The following KDM3B variants were observed in gnomAD, a reference collection of about 807,000 sequenced individuals.
KDM3B encodes lysine-specific demethylase 3B.
Under a neutral mutation model 170.0 loss-of-function variants are expected in KDM3B, and 10 were observed. The ratio of observed to expected loss-of-function variants is 0.06; its 90% CI spans 0.04 to 0.10. The LOEUF (loss-of-function observed/expected upper bound fraction) is 0.10, where lower values mean the gene tolerates loss of function less well. Ranked by LOEUF, KDM3B falls within the 10% of genes least tolerant of loss-of-function variation. The pLI, the probability that KDM3B is intolerant of heterozygous loss-of-function variation, is 1.00. For missense variants in KDM3B, 1,394 were observed against 2,195.2 expected, an observed-to-expected ratio of 0.64 and a Z score of 7.29; for synonymous variants, 831 against 834.8, an observed-to-expected ratio of 1.00 and a Z score of 0.08.
chr5:138,385,991 C>T (rs1561769310), intron 6 of KDM3B, 31 bp from the exon 7 acceptor site: 1 of 1,561,118 alleles, frequency 6.4e-7, no homozygotes, highest in Non-Finnish European at 8.7e-7. Context: ...TGAAAGTTTC[C>T]TTGTAATCTT....
chr5:138,389,782 CTGTGTGTGTG>C (rs148405512), intron 7 of KDM3B, among the ~76,000 whole-genome samples: 36 of 143,556 alleles, frequency 2.5e-4, no homozygotes, highest in African/African-American at 8.8e-4. Flanking sequence ...CTCTCTCTCT[CTGTGTGTGTG>C]TGTGTGTGTG....
chr5:138,420,455 A>T (rs1763243320), intron 14 of KDM3B, among the ~76,000 whole-genome samples: 1 of 152,222 alleles, frequency 6.6e-6, no homozygotes, highest in Non-Finnish European at 1.5e-5. Context: ...GAGATGAAAG[A>T]TGGATGACAA....
chr5:138,358,310 T>C (rs950948003), intron 1 of KDM3B, among the ~76,000 whole-genome samples: 42 of 143,902 alleles, frequency 2.9e-4, no homozygotes, highest in Non-Finnish European at 2.6e-4. Context: ...TTCTTTCTTT[T>C]TTTTTTTTTT....
At chr5:138,374,477 C>G (rs1761947553) in intron 2 of KDM3B, among the ~76,000 whole-genome samples, 1 of 152,066 alleles carries the variant, frequency 6.6e-6, no homozygotes, top group African/African-American at 2.4e-5. Context: ...CCAAGATGGT[C>G]TCGATCTCCT....
At chr5:138,416,237 C>T (rs1763100282) in intron 12 of KDM3B, among the ~76,000 whole-genome samples, 1 of 152,102 alleles carries the variant, frequency 6.6e-6, no homozygotes, top group Non-Finnish European at 1.5e-5. Flanking sequence ...CATTAACATA[C>T]ATCCATTGAA....
intron 19 of KDM3B, 56 bp from the exon 20 acceptor site, chr5:138,427,911 C>T (rs922275058): frequency 1.2e-5 from 18 of 1,555,112 alleles, no homozygotes; most frequent in Middle Eastern, 1.8e-4. Flanking sequence ...GTAGTGTCGA[C>T]GTGGATTCTT....
chr5:138,435,694 G>T lies in KDM3B; in HGVS notation c.5280G>T (p.Arg1760Ser), dbSNP rs753910208. 1 of 1,612,574 alleles carries T rather than the reference G, an allele frequency of 6.2e-7. No homozygotes were observed. The highest frequency in any genetic ancestry group is 2.2e-5 in the East Asian group (1 of 44,864). ...TLKAHESKLA[R>S]S ...AGGCTCATGAATCCAAACTGGCAAGGTCCTAGGCATGGAGAAACTCCAAGC... is the reference window on the plus strand; with the variant it reads ...AGGCTCATGAATCCAAACTGGCAAGTTCCTAGGCATGGAGAAACTCCAAGC... The change falls in exon 24 of 24, where the codon AGG (arginine) becomes AGT (serine). Residue 1760 changes from arginine to serine, a missense_variant. Arg to Ser is a moderately radical substitution (Grantham distance 110, BLOSUM62 -1). This residue lies in a region of KDM3B where 79 missense variants were observed against 270.5 expected (regional missense o/e 0.29). Coordinates refer to ENST00000314358, the MANE Select transcript of KDM3B (RefSeq NM_016604.4).
rs923930476 is a variant in KDM3B at position 138,359,219 on chromosome 5, TGGTG to T, written c.192+6233_192+6236del. 3.3e-5 allele frequency among the ~76,000 whole-genome samples: 5 copies of T among 152,016 alleles called. No homozygotes were observed. In the East Asian group the frequency reaches 9.7e-4, roughly 29 times the overall value. ...CTGTGTCAGCCAGGCTGGAGTGCAGTGGTGCGGTCTTGGCTCACTGCAACCTCCA... is the reference window on the plus strand; with the variant it reads ...CTGTGTCAGCCAGGCTGGAGTGCAGTCGGTCTTGGCTCACTGCAACCTCCA... On this transcript the variant is annotated intron_variant, in intron 1 of 23. Transcript: ENST00000314358.
At chr5:138,404,977 G>A (rs1762779365) in intron 11 of KDM3B, among the ~76,000 whole-genome samples, 1 of 151,790 alleles carries the variant, frequency 6.6e-6, no homozygotes, top group Admixed American at 6.6e-5. Flanking sequence ...CTGACCTCAG[G>A]TGATCTGCCC....
rs564328728 is a variant in KDM3B at position 138,432,746 on chromosome 5, C to T, written c.5205+1187C>T. 3.9e-5 allele frequency among the ~76,000 whole-genome samples: 6 copies of T among 152,186 alleles called. No homozygotes were observed. In the East Asian group the frequency reaches 1.2e-3, roughly 29 times the overall value. ...CTTTTCTTCTGGCATGCCTGTGGCT[C>T]AAGTGTATCTTTTTTGGTTGTTGAT... On this transcript the variant is annotated intron_variant, in intron 23 of 23. Transcript: ENST00000314358.
At chr5:138,401,305 TGTCTA>T (rs1762689282) in intron 11 of KDM3B, among the ~76,000 whole-genome samples, 1 of 151,914 alleles carries the variant, frequency 6.6e-6, no homozygotes, top group Non-Finnish European at 1.5e-5. Context: ...TACACTATTG[TGTCTA>T]GTCTAGTGCA....
intron 17 of KDM3B, 179 bp downstream of exon 17, chr5:138,425,761 CTTT>C: frequency 1.8e-6 from 1 of 548,660 alleles, no homozygotes; most frequent in South Asian, 2.8e-5. Flanking sequence ...TAATTTCAGT[CTTT>C]TTGGAGGCTG....
At chr5:138,400,247 T>G (rs1762648785) in intron 11 of KDM3B, among the ~76,000 whole-genome samples, 3 of 152,114 alleles carry the variant, frequency 2.0e-5, no homozygotes, top group African/African-American at 7.2e-5. Context: ...TGTTTTTGTT[T>G]TTTTTAAGGC....
At chr5:138,396,016 A>G (rs1378561332) in intron 9 of KDM3B, among the ~76,000 whole-genome samples, 2 of 152,222 alleles carry the variant, frequency 1.3e-5, no homozygotes, top group African/African-American at 4.8e-5. Flanking sequence ...TACCTTATCA[A>G]AATAGTTTTG....
rs564971752 is a variant in KDM3B, at chr5:138,430,341, C to A, written c.4986C>A (p.Leu1662=). The change falls in exon 22 of 24, where the codon CTC becomes CTA. Residue 1662 remains leucine, a synonymous_variant. Coordinates refer to ENST00000314358, the MANE Select transcript of KDM3B (RefSeq NM_016604.4). ...TGGACCAGACCCTCCGTAAGCGACTCTATGAGGAGTATGGCGTGCAAGGCT... is the reference window on the plus strand; with the variant it reads ...TGGACCAGACCCTCCGTAAGCGACTATATGAGGAGTATGGCGTGCAAGGCT... ...WYLDQTLRKR[L]YEEYGVQGWA... 6.2e-7 allele frequency: 1 copy of A among 1,614,186 alleles called. No homozygotes were observed. Among genetic ancestry groups the A allele is most frequent in the Non-Finnish European group, 8.5e-7 (1 of 1,180,022 alleles).
chr5:138,414,982 C>A, intron 11 of KDM3B, 150 bp from the exon 12 acceptor site: 1 of 462,974 alleles, frequency 2.2e-6, no homozygotes, highest in Non-Finnish European at 3.9e-6. Context: ...AATAAAATCT[C>A]AGTAAAGCAG....
chr5:138,418,108 C>T (rs1442109644), intron 13 of KDM3B: 8 of 114,576 alleles, frequency 7.0e-5, no homozygotes, highest in African/African-American at 2.3e-4. Context: ...CAGACAGAGT[C>T]TTGCTCTGTT....
At chr5:138,417,447 T>C (rs1212324934) in intron 12 of KDM3B, 36 bp from the exon 13 acceptor site, 2 of 1,605,642 alleles carry the variant, frequency 1.2e-6, no homozygotes, top group African/African-American at 2.7e-5. Flanking sequence ...ATATGAGTAT[T>C]CTGGTGTTAT....
chr5:138,364,298 A>T (rs1395616632), intron 1 of KDM3B, among the ~76,000 whole-genome samples: 1 of 152,184 alleles, frequency 6.6e-6, no homozygotes, highest in African/African-American at 2.4e-5. Context: ...TATTTTCCAC[A>T]GGTAATTCAT....
Sources: allele counts gnomAD v4.1 joint callset (sites outside exome capture counted in the v4.1 genomes callset), GRCh38; gene constraint gnomAD v4.1.1; regional missense constraint gnomAD v4.1.1; transcripts MANE v1.5; gene names NCBI Gene and HGNC (gene_info 2026-07-23, HGNC 2026-07-21).